PRDM16: variants seen among roughly 807,000 people sequenced by gnomAD.
PRDM16 encodes the protein histone-lysine N-methyltransferase PRDM16.
A neutral mutation model predicts 110.6 loss-of-function variants in PRDM16; 23 were observed. The observed-to-expected ratio is 0.21, with a 90% confidence interval of 0.15 to 0.29. PRDM16 has a LOEUF of 0.29. Ranked by LOEUF, PRDM16 falls within the 10% of genes least tolerant of loss-of-function variation. The probability of loss-of-function intolerance (pLI) is 1.00; values close to 1 mark genes in which losing one functional copy is unlikely to be tolerated. For missense variants in PRDM16, 1,615 were observed against 1,794.3 expected (o/e 0.90, Z 1.81); for synonymous variants, 799 against 781.8 (o/e 1.02, Z -0.37).
chr1:3,391,684 G>A (rs1643302959), intron 4 of PRDM16, among the ~76,000 whole-genome samples: 1 of 152,256 alleles, frequency 6.6e-6, no homozygotes, highest in Non-Finnish European at 1.5e-5. Flanking sequence ...AGGACAAGAG[G>A]AAGGTGGCGA....
At position 3,339,103 on chromosome 1, in the gene PRDM16, C is replaced by G. The variant is rs77950691; in HGVS notation, c.439-46049C>G. On this transcript the variant is annotated intron_variant, in intron 3 of 16. Transcript: ENST00000270722. The surrounding 1 kb of genome is among the most constrained non-coding windows in gnomAD (Gnocchi z 5.0). ...ATGGGGAGCTTCCGTGCACTCCCCT[C>G]TCTGGCCTCCCCATGTCCCGCCTTT... Among the ~76,000 whole-genome samples the G allele has an allele frequency of 1.6e-3, 242 of 152,304 alleles. 4 individuals carry two copies. The East Asian group carries it at 0.041, about 26-fold the overall frequency.
intron 15 of PRDM16, 102 bp from the exon 16 acceptor site, chr1:3,431,864 G>C: frequency 8.7e-7 from 1 of 1,153,942 alleles, no homozygotes; most frequent in Non-Finnish European, 1.3e-6. Context: ...CAGAGATGCA[G>C]CGGCGTGCAT....
In PRDM16 at chr1:3,229,744, G is replaced by T. The variant is rs867163860; in HGVS notation, c.388-14343G>T. On this transcript the variant is annotated intron_variant, in intron 2 of 16. Coordinates refer to ENST00000270722, the MANE Select transcript of PRDM16 (RefSeq NM_022114.4). ...CTTCTTATCTTAGGGCTAAAAAAAA[G>T]AAGGGAGGCGAGCAGGTGTGTCTGT... Among the ~76,000 whole-genome samples, 8 of 152,294 alleles carry T rather than the reference G, an allele frequency of 5.3e-5. No individual in the cohort carries two copies. In the South Asian group the frequency reaches 1.5e-3, roughly 28 times the overall value.
At chr1:3,145,931 G>A (rs2651910) in intron 1 of PRDM16, among the ~76,000 whole-genome samples, 10,702 of 152,246 alleles carry the variant, frequency 0.07, 517 homozygotes, top group East Asian at 0.2. Context: ...GAGGTCCCCC[G>A]GCGCCCCCCG....
chr1:3,254,464 T>A (rs1640004227), intron 3 of PRDM16, among the ~76,000 whole-genome samples: 1 of 152,176 alleles, frequency 6.6e-6, no homozygotes, highest in Non-Finnish European at 1.5e-5. Flanking sequence ...CAGCAAAGTC[T>A]CAGGATACAA....
At chr1:3,410,260 G>A (rs937608311) in intron 8 of PRDM16, among the ~76,000 whole-genome samples, 1 of 152,096 alleles carries the variant, frequency 6.6e-6, no homozygotes, top group Non-Finnish European at 1.5e-5. Context: ...CCGTTCACAG[G>A]CCTTTAGGAA....
intron 3 of PRDM16, among the ~76,000 whole-genome samples, chr1:3,262,068 G>A (rs1234991657): frequency 6.6e-6 from 1 of 152,220 alleles, no homozygotes; most frequent in Non-Finnish European, 1.5e-5. Flanking sequence ...TTTGACTAAT[G>A]CGCCCTCAGG....
intron 1 of PRDM16, among the ~76,000 whole-genome samples, chr1:3,108,741 T>C (rs896668910): frequency 6.6e-6 from 1 of 152,180 alleles, no homozygotes; most frequent in Non-Finnish European, 1.5e-5. Flanking sequence ...GCCAGATGTC[T>C]GTTCCCTTCC....
At chr1:3,092,714 G>A (rs898393966) in intron 1 of PRDM16, among the ~76,000 whole-genome samples, 4 of 152,278 alleles carry the variant, frequency 2.6e-5, no homozygotes, top group South Asian at 2.1e-4. Context: ...GGGCACCCCC[G>A]GTCTGGGCTC....
At chr1:3,294,688 G>T (rs1641048006) in intron 3 of PRDM16, among the ~76,000 whole-genome samples, 1 of 152,130 alleles carries the variant, frequency 6.6e-6, no homozygotes, top group Non-Finnish European at 1.5e-5. Context: ...TCGCGGGCTG[G>T]GCTGCGTTTG....
intron 3 of PRDM16, among the ~76,000 whole-genome samples, chr1:3,356,992 T>C (rs949726916): frequency 6.6e-6 from 1 of 152,192 alleles, no homozygotes; most frequent in Non-Finnish European, 1.5e-5. Flanking sequence ...TTTGTCCAGA[T>C]GCAGAGGCTA....
intron 1 of PRDM16, among the ~76,000 whole-genome samples, chr1:3,169,082 G>A (rs1256802321): frequency 4.6e-5 from 7 of 152,176 alleles, no homozygotes; most frequent in Admixed American, 2.0e-4. Flanking sequence ...CCGCTGCTGC[G>A]GTCTCCAGCC....
In PRDM16 at chr1:3,411,820, C is replaced by T; in HGVS notation, c.1623C>T (p.His541=). The part of the protein sequence containing the change: ...PTSLLKSPLN[H]TQDAKLPSPL... Reference sequence around the variant, plus strand: ...CGCTGCTCAAGAGCCCCCTGAACCACACCCAGGACGCCAAGCTCCCCAGTC... The same window carrying T: ...CGCTGCTCAAGAGCCCCCTGAACCATACCCAGGACGCCAAGCTCCCCAGTC... The change falls in exon 9 of 17, where the codon CAC becomes CAT. Residue 541 remains histidine, a synonymous_variant. Transcript: ENST00000270722. 1 of 1,611,384 alleles carries T rather than the reference C, an allele frequency of 6.2e-7. No individual in the cohort carries two copies. Among genetic ancestry groups the T allele is most frequent in the Non-Finnish European group, 8.5e-7 (1 of 1,178,866 alleles).
At chr1:3,401,179 G>A (rs899985882) in intron 5 of PRDM16, among the ~76,000 whole-genome samples, 1 of 152,148 alleles carries the variant, frequency 6.6e-6, no homozygotes, top group African/African-American at 2.4e-5. Context: ...GCCACTTCTG[G>A]TAACCCCTGC....
chr1:3,354,885 G>A (rs1642562437), intron 3 of PRDM16, among the ~76,000 whole-genome samples: 1 of 152,126 alleles, frequency 6.6e-6, no homozygotes, highest in African/African-American at 2.4e-5. Flanking sequence ...GGCAGAAGAG[G>A]CAGGACCGGG....
intron 1 of PRDM16, among the ~76,000 whole-genome samples, chr1:3,139,770 G>A (rs1643510637): frequency 6.6e-6 from 1 of 152,254 alleles, no homozygotes; most frequent in African/African-American, 2.4e-5. Flanking sequence ...GCAGGAAAGG[G>A]AGCTGCTCCC....
chr1:3,425,064 A>G lies in PRDM16; in HGVS notation c.2940-517A>G, dbSNP rs10909943. 2,371 of 154,426 alleles carry G rather than the reference A, an allele frequency of 0.015. 57 individuals carry two copies. The highest frequency in any genetic ancestry group is 0.057 in the African/African-American group (2,288 of 40,490). 9.6% of individuals were successfully genotyped at this position (154,426 alleles called of 1,614,324 possible). On this transcript the variant is annotated intron_variant, in intron 12 of 16. Transcript: ENST00000270722. This position sits in a 1 kb window ranked among gnomAD's most constrained non-coding sequence, Gnocchi z 6.9. ...CAGCCACAGAACAGTAGGAGGGTGA[A>G]CGCCTGCTTGCTTTTTTTTTTTTTT...
At chr1:3,091,638 G>A (rs1280130160) in intron 1 of PRDM16, among the ~76,000 whole-genome samples, 1 of 152,242 alleles carries the variant, frequency 6.6e-6, no homozygotes, top group Admixed American at 6.5e-5. Flanking sequence ...GCTGGGCAGG[G>A]CTGCAGCTGC....
In PRDM16 at chr1:3,245,596, G is replaced by A. The variant is rs1569916189; in HGVS notation, c.438+1459G>A. ...TCCTTTTGTCCAAGGACAAGGTGTC[G>A]GCTCTCAGTCCCCGCCGTCCACAGG... is the stretch of plus-strand genomic sequence containing the variant. On this transcript the variant is annotated intron_variant, in intron 3 of 16. Transcript: ENST00000270722. This position sits in a 1 kb window ranked among gnomAD's most constrained non-coding sequence, Gnocchi z 4.7. 6.6e-6 allele frequency among the ~76,000 whole-genome samples: 1 copy of A among 152,122 alleles called. No homozygotes were observed. Among genetic ancestry groups the A allele is most frequent in the African/African-American group, 2.4e-5 (1 of 41,414 alleles).
Sources: allele counts gnomAD v4.1 joint callset (sites outside exome capture counted in the v4.1 genomes callset), GRCh38; gene constraint gnomAD v4.1.1; non-coding constraint Gnocchi (gnomAD v3.1); transcripts MANE v1.5; gene names NCBI Gene and HGNC (gene_info 2026-07-23, HGNC 2026-07-21).